Variants in ZNF28 observed in about 807,000 individuals in gnomAD.
ZNF28 encodes zinc finger protein KOX24.
A neutral mutation model predicts 7.2 loss-of-function variants in ZNF28; 5 were observed. The ratio of observed to expected loss-of-function variants is 0.70; its 90% confidence interval spans 0.36 to 1.46. The LOEUF (loss-of-function observed/expected upper bound fraction) is 1.46, where lower values mean the gene tolerates loss of function less well. ZNF28 is among the 40% of genes most tolerant of loss of function. ZNF28 has a pLI of 0.03. For missense variants in ZNF28, 879 were observed against 866.6 expected, an observed-to-expected ratio of 1.01 and a Z score of -0.18; for synonymous variants, 288 against 292.4, an observed-to-expected ratio of 0.99 and a Z score of 0.15.
chr19:52,803,801 A>G (rs2062903267), intron 3 of ZNF28, among the ~76,000 whole-genome samples: 2 of 152,124 alleles, frequency 1.3e-5, no homozygotes, highest in South Asian at 4.1e-4. Context: ...TACTAAAAAT[A>G]CAAAAAAATT....
rs1460573250 is a variant in ZNF28, at chr19:52,799,059, T to C, written c.*629A>G. On this transcript the variant is annotated 3_prime_UTR_variant, in exon 4 of 4. Coordinates refer to ENST00000457749, the MANE Select transcript of ZNF28 (RefSeq NM_006969.5). ...GTATGAATTCTCCTGTCTTTCAAGC[T>C]GTGATTTGTGACTGACAACTTTGTC... The C allele has an allele frequency of 6.1e-6, 3 of 495,490 alleles. No homozygotes were observed. In the East Asian group the frequency reaches 1.5e-4, roughly 25 times the overall value. The allele number at this position is 495,490 out of a possible 1,614,324, so 30.7% of individuals were successfully genotyped here. A position where few individuals can be genotyped will look rare whatever the true frequency, so the allele number is the denominator to read the frequency against.
chr19:52,814,754 G>T (rs2063100862), intron 2 of ZNF28, among the ~76,000 whole-genome samples: 1 of 146,100 alleles, frequency 6.8e-6, no homozygotes, highest in Non-Finnish European at 1.5e-5. Flanking sequence ...GGACATGGTG[G>T]CACTCGCTTG....
intron 2 of ZNF28, among the ~76,000 whole-genome samples, chr19:52,811,499 C>T (rs1487443013): frequency 1.3e-5 from 2 of 149,326 alleles, no homozygotes; most frequent in Non-Finnish European, 3.0e-5. Context: ...GCGTCTCTGC[C>T]CGGCCGCCCA....
At chr19:52,813,312 G>A (rs1857291326) in intron 2 of ZNF28, among the ~76,000 whole-genome samples, 1 of 140,450 alleles carries the variant, frequency 7.1e-6, no homozygotes, top group Non-Finnish European at 1.5e-5. Context: ...ACAAACTGCT[G>A]AGGAGGGACC....
chr19:52,810,546 G>C, intron 2 of ZNF28: 1 of 1,596,110 alleles, frequency 6.3e-7, no homozygotes, highest in Non-Finnish European at 8.6e-7. Context: ...AACAGACCAG[G>C]CATCAGCACA....
chr19:52,816,017 T>C (rs1409356528), intron 2 of ZNF28, among the ~76,000 whole-genome samples: 1 of 146,872 alleles, frequency 6.8e-6, no homozygotes, highest in Non-Finnish European at 1.5e-5. Context: ...CTCATAATGA[T>C]GCAGAAATAC....
chr19:52,820,358 C>A (rs1316927067), intron 1 of ZNF28, among the ~76,000 whole-genome samples: 1 of 137,378 alleles, frequency 7.3e-6, no homozygotes, highest in Non-Finnish European at 1.5e-5. Context: ...ACCTCATGAT[C>A]CACCCGCCTC....
At chr19:52,815,202 G>T (rs11670847) in intron 2 of ZNF28, among the ~76,000 whole-genome samples, 1 of 143,660 alleles carries the variant, frequency 7.0e-6, no homozygotes, top group Non-Finnish European at 1.5e-5. Flanking sequence ...GGCAGTGGGA[G>T]GAAGGAGAGG....
Position 52,817,931 on chromosome 19 carries a change from A to G in ZNF28, c.15+13T>C, listed in dbSNP as rs1356889126. The G allele has an allele frequency of 2.7e-5, 43 of 1,610,320 alleles. No homozygotes were observed. The highest frequency in any genetic ancestry group is 3.3e-5 in the Non-Finnish European group (39 of 1,179,780). On this transcript the variant is annotated intron_variant, in intron 2 of 3. Coordinates refer to ENST00000457749, the MANE Select transcript of ZNF28 (RefSeq NM_006969.5). ...GAAGGAGACAGAGCAATCCACCGAG[A>G]ATACCATCTCACCTGAGGAAGAGCC...
At chr19:52,810,058 TG>T in intron 2 of ZNF28, 1 of 742,918 alleles carries the variant, frequency 1.3e-6, no homozygotes, top group Non-Finnish European at 2.4e-6. Flanking sequence ...GCCCCATGCC[TG>T]GGAGCTCCAG....
intron 3 of ZNF28, among the ~76,000 whole-genome samples, chr19:52,804,626 C>T (rs2062913910): frequency 6.6e-6 from 1 of 152,186 alleles, no homozygotes; most frequent in Non-Finnish European, 1.5e-5. Context: ...CGATCGCAGT[C>T]TCCCAAAGTG....
intron 2 of ZNF28, among the ~76,000 whole-genome samples, chr19:52,813,929 CTGTT>C (rs1402927277): frequency 1.4e-5 from 2 of 145,384 alleles, no homozygotes; most frequent in Admixed American, 6.9e-5. Context: ...GAGATGGACT[CTGTT>C]TATTTTTTTA....
At chr19:52,812,080 C>T (rs1231049939) in intron 2 of ZNF28, among the ~76,000 whole-genome samples, 1 of 95,932 alleles carries the variant, frequency 1.0e-5, no homozygotes, top group African/African-American at 5.9e-5. Flanking sequence ...TCTGCCCGGC[C>T]GCCCCTACTG....
chr19:52,809,930 CG>C, intron 2 of ZNF28: 15 of 862,142 alleles, frequency 1.7e-5, no homozygotes, highest in Middle Eastern at 3.3e-4. Context: ...GTGGGGAGGC[CG>C]GGGAGGTTGC....
intron 1 of ZNF28, among the ~76,000 whole-genome samples, chr19:52,819,050 T>A (rs2063162893): frequency 7.1e-6 from 1 of 141,836 alleles, no homozygotes; most frequent in Non-Finnish European, 1.5e-5. Context: ...GACAGTGCCA[T>A]CTTCATTTAG....
intron 2 of ZNF28, chr19:52,810,339 G>A: frequency 6.2e-7 from 1 of 1,603,120 alleles, no homozygotes; most frequent in Non-Finnish European, 8.5e-7. Context: ...GGACTGCGGT[G>A]CAACAGCAGA....
Position 52,800,375 on chromosome 19 carries a change from A to C in ZNF28, c.1470T>G (p.Thr490=). The change falls in exon 4 of 4, where the codon ACT becomes ACG. Residue 490 remains threonine (T), a synonymous_variant. Transcript: ENST00000457749. The part of the protein sequence containing the change: ...SHLERHRRIH[T]GEKPYKCKVC... ...CCTTACATTTGTATGGTTTCTCTCC[A>C]GTATGAATCCTCCTATGTCTTTCAA... The C allele has an allele frequency of 1.2e-6, 2 of 1,614,104 alleles. No individual in the cohort carries two copies. Among genetic ancestry groups the C allele is most frequent in the Non-Finnish European group, 8.5e-7 (1 of 1,180,014 alleles).
intron 2 of ZNF28, chr19:52,814,395 A>T (rs2063095932): frequency 6.8e-6 from 1 of 146,542 alleles, no homozygotes; most frequent in South Asian, 2.3e-4. Context: ...GTTCAAGACC[A>T]GCATGGCCAA....
intron 3 of ZNF28, among the ~76,000 whole-genome samples, chr19:52,806,344 C>A (rs927862340): frequency 6.6e-6 from 1 of 151,888 alleles, no homozygotes; most frequent in Non-Finnish European, 1.5e-5. Flanking sequence ...CAGCCACCCA[C>A]CACGGCGCCT....
Sources: gnomAD v4.1 joint callset for allele counts (sites outside exome capture counted in the v4.1 genomes callset) on GRCh38, gnomAD v4.1.1 for gene constraint, MANE v1.5 for transcripts, NCBI Gene and HGNC (gene_info 2026-07-23, HGNC 2026-07-21) for gene names.